Variants in FAM20B observed in about 807,000 individuals in gnomAD.
The protein encoded by FAM20B is FAM20B glycosaminoglycan xylosylkinase.
In FAM20B, 23 loss-of-function variants were observed where a neutral mutation model predicts 43.8. The observed-to-expected ratio is 0.53, with a 90% CI of 0.38 to 0.74. FAM20B has a LOEUF of 0.74. Among genes scored for constraint, FAM20B ranks in the 30% least tolerant of loss-of-function variants. The probability of loss-of-function intolerance (pLI) is 0.00; values close to 1 mark genes in which losing one functional copy is unlikely to be tolerated. For missense variants in FAM20B, 440 were observed against 510.5 expected, an observed-to-expected ratio of 0.86 and a Z score of 1.33; for synonymous variants, 178 against 192.4, an observed-to-expected ratio of 0.93 and a Z score of 0.62.
chr1:179,039,636 A>G (rs1471363487), intron 1 of FAM20B, among the ~76,000 whole-genome samples: 2 of 152,322 alleles, frequency 1.3e-5, no homozygotes, highest in Non-Finnish European at 2.9e-5. Flanking sequence ...TTGTATTTAA[A>G]TACATGAGCA....
intron 2 of FAM20B, among the ~76,000 whole-genome samples, chr1:179,047,711 C>T (rs1481197718): frequency 6.6e-6 from 1 of 152,216 alleles, no homozygotes; most frequent in East Asian, 1.9e-4. Flanking sequence ...GAAATTGACT[C>T]CAGTCCCTAA....
chr1:179,021,208 G>A (rs117842850), upstream of FAM20B, among the ~76,000 whole-genome samples: 148 of 152,232 alleles, frequency 9.7e-4, 1 homozygote, highest in East Asian at 0.013. Flanking sequence ...AAGCTTCCTG[G>A]CTTTCCAAGC....
At chr1:179,028,307 G>A (rs959540489) in intron 1 of FAM20B, among the ~76,000 whole-genome samples, 2 of 152,232 alleles carry the variant, frequency 1.3e-5, no homozygotes, top group African/African-American at 4.8e-5. Context: ...CAGTTGGTCG[G>A]GCGCGGTGGC....
At chr1:179,060,465 G>A (rs974119349) in intron 4 of FAM20B, among the ~76,000 whole-genome samples, 1 of 152,124 alleles carries the variant, frequency 6.6e-6, no homozygotes, top group Non-Finnish European at 1.5e-5. Flanking sequence ...TACCGCCTCA[G>A]CACCAGCTCC....
chr1:179,047,339 T>C (rs1267743787), intron 2 of FAM20B, among the ~76,000 whole-genome samples: 3 of 152,310 alleles, frequency 2.0e-5, no homozygotes, highest in East Asian at 1.9e-4. Context: ...AGAAGACTTA[T>C]TATCACTATG....
In FAM20B at chr1:179,044,839, A is replaced by C. The variant is rs114813677; in HGVS notation, c.377+615A>C. On this transcript the variant is annotated intron_variant, in intron 2 of 7. Transcript: ENST00000263733. ...ACCAGAAGCATAATTGCTGGACCAC[A>C]TGGTAAGAGTACGTTTCATTTTGTA... is the stretch of plus-strand genomic sequence containing the variant. 1.1e-3 allele frequency among the ~76,000 whole-genome samples: 165 copies of C among 152,384 alleles called. 1 individual carries two copies. Among genetic ancestry groups the C allele is most frequent in the African/African-American group, 3.8e-3 (158 of 41,598 alleles).
chr1:179,028,861 T>A (rs1649896161), intron 1 of FAM20B, among the ~76,000 whole-genome samples: 1 of 152,204 alleles, frequency 6.6e-6, no homozygotes, highest in Non-Finnish European at 1.5e-5. Flanking sequence ...AATATTCTAA[T>A]GTATATACTA....
Position 179,064,005 on chromosome 1 carries a change from AG to A in FAM20B, c.656del (p.Gly219AspfsTer42), listed in dbSNP as rs762695343. The A allele has an allele frequency of 1.9e-6, 3 of 1,613,770 alleles. No homozygotes were observed. Among genetic ancestry groups the A allele is most frequent in the Non-Finnish European group, 2.5e-6 (3 of 1,179,670 alleles). On this transcript the variant is annotated frameshift_variant, in exon 5 of 8. Transcript: ENST00000263733. LOFTEE classifies it high-confidence loss of function. ...GCTTGTGCTGATGGAGACATAATGGAGGGATCTGTCACACTTTGGCTTCCAG... is the reference window on the plus strand; with the variant it reads ...GCTTGTGCTGATGGAGACATAATGGAGGATCTGTCACACTTTGGCTTCCAG... Reference protein sequence around the residue: ...EPACADGDIMEGSVTLWLPDV... With the variant: ...EPACADGDIMXGSVTLWLPDV...
chr1:179,075,533 T>C lies in FAM20B; in HGVS notation c.*3389T>C, dbSNP rs551034239. The stretch of plus-strand genomic sequence containing the variant: ...TGGGGGAAATGTAAATAATTTTCTG[T>C]GTAAAACAAATTCATAGGATCTGAT... On this transcript the variant is annotated 3_prime_UTR_variant, in exon 8 of 8. Transcript: ENST00000263733. 2 of 152,768 alleles carry C rather than the reference T, an allele frequency of 1.3e-5. No homozygotes were observed. Among genetic ancestry groups the C allele is most frequent in the East Asian group, 3.9e-4 (2 of 5,188 alleles). The allele number at this position is 152,768 out of a possible 1,614,324, so 9.5% of individuals were successfully genotyped here. A position where few individuals can be genotyped will look rare whatever the true frequency, so the allele number is the denominator to read the frequency against.
chr1:179,061,287 A>G (rs1482135568), intron 4 of FAM20B, among the ~76,000 whole-genome samples: 1 of 152,174 alleles, frequency 6.6e-6, no homozygotes, highest in Non-Finnish European at 1.5e-5. Context: ...CATGTTGGCC[A>G]GGCTGGTCTC....
chr1:179,050,220 C>A, intron 2 of FAM20B, 59 bp from the exon 3 acceptor site: 2 of 1,188,350 alleles, frequency 1.7e-6, no homozygotes, highest in Non-Finnish European at 2.5e-6. Context: ...ACCACTTGTG[C>A]TGTCACCTGT....
intron 7 of FAM20B, among the ~76,000 whole-genome samples, chr1:179,070,338 AC>A (rs1651865860): frequency 6.6e-6 from 1 of 151,844 alleles, no homozygotes; most frequent in Non-Finnish European, 1.5e-5. Flanking sequence ...GAGCCACCAT[AC>A]CTGGCCAGAC....
chr1:179,067,556 A>G (rs1000102718), intron 7 of FAM20B, among the ~76,000 whole-genome samples: 2 of 152,136 alleles, frequency 1.3e-5, no homozygotes, highest in Non-Finnish European at 2.9e-5. Context: ...GTGAGCCGAG[A>G]TTGTGCCATT....
Position 179,050,311 on chromosome 1 carries a change from C to A in FAM20B, c.410C>A (p.Pro137Gln), listed in dbSNP as rs150031972. Residue 137 changes from proline to glutamine, a missense_variant, in exon 3 of 8, where the codon CCG becomes CAG. Transcript: ENST00000263733. ...YSRDHVVEGE[P>Q]YAGYDRHNAE... The stretch of plus-strand genomic sequence containing the variant: ...CGAGACCATGTGGTGGAAGGGGAAC[C>A]GTATGCTGGTTATGATAGACACAAT... 1.2e-6 allele frequency: 2 copies of A among 1,613,742 alleles called. No individual in the cohort carries two copies. Among genetic ancestry groups the A allele is most frequent in the African/African-American group, 1.3e-5 (1 of 74,898 alleles).
intron 1 of FAM20B, among the ~76,000 whole-genome samples, chr1:179,040,795 G>A (rs1440848947): frequency 1.3e-5 from 2 of 151,780 alleles, no homozygotes; most frequent in Admixed American, 6.5e-5. Context: ...GCTGCTGGGC[G>A]GAGACGCTCC....
chr1:179,057,541 AG>A (rs775923821), intron 4 of FAM20B, among the ~76,000 whole-genome samples: 20 of 152,170 alleles, frequency 1.3e-4, no homozygotes, highest in Non-Finnish European at 1.8e-4. Flanking sequence ...TAAGTAGGTG[AG>A]GTGTTACCCA....
chr1:179,025,772 T>A (rs1649735627), upstream of FAM20B: 1 of 138,500 alleles, frequency 7.2e-6, no homozygotes, highest in South Asian at 2.4e-4. Context: ...CCGGAGCGGG[T>A]CCGGTAGGGG....
At chr1:179,035,643 T>A (rs10913675) in intron 1 of FAM20B, 6,919 of 431,546 alleles carry the variant, frequency 0.016, 181 homozygotes, top group East Asian at 0.065. Context: ...TTCCTTCTTT[T>A]CTTTGTCATC....
At position 179,066,677 on chromosome 1, in the gene FAM20B, G is replaced by A. The variant is rs1349001241; in HGVS notation, c.939-123G>A. ...CTTGTTTTCAATTTAAGTGATTTGA[G>A]CTGCTGGAGCGTGAAATTATCTAGG... is the stretch of plus-strand genomic sequence containing the variant. On this transcript the variant is annotated intron_variant, in intron 6 of 7. Transcript: ENST00000263733. 3 of 685,782 alleles carry A rather than the reference G, an allele frequency of 4.4e-6. No homozygotes were observed. The Admixed American group carries it at 7.1e-5, about 16-fold the overall frequency. 42.5% of individuals were successfully genotyped at this position (685,782 alleles called of 1,614,324 possible). A position where few individuals can be genotyped will look rare whatever the true frequency, so the allele number is the denominator to read the frequency against.
Sources: allele counts gnomAD v4.1 joint callset (sites outside exome capture counted in the v4.1 genomes callset), GRCh38; gene constraint gnomAD v4.1.1; transcripts MANE v1.5; gene names NCBI Gene and HGNC (gene_info 2026-07-23, HGNC 2026-07-21).